Variants in PRKG1 observed in about 807,000 individuals in gnomAD.
The protein encoded by PRKG1 is cGMP-dependent protein kinase 1.
A neutral mutation model predicts 88.1 loss-of-function variants in PRKG1; 35 were observed. The observed-to-expected ratio is 0.40, with a 90% CI of 0.30 to 0.53. PRKG1 has a LOEUF of 0.53. PRKG1 is among the 20% of genes least tolerant of loss of function. PRKG1 has a pLI of 0.59. For missense variants in PRKG1, 540 were observed against 839.8 expected (o/e 0.64, Z 4.41); for synonymous variants, 303 against 292.5 (o/e 1.04, Z -0.37).
At chr10:51,506,967 A>G (rs1046771322) in intron 3 of PRKG1, among the ~76,000 whole-genome samples, 8 of 152,226 alleles carry the variant, frequency 5.3e-5, no homozygotes, top group Non-Finnish European at 8.8e-5. Flanking sequence ...AATACTATGC[A>G]GCCATAAAAA....
At chr10:51,982,071 C>T (rs1475031648) in intron 5 of PRKG1, among the ~76,000 whole-genome samples, 1 of 152,118 alleles carries the variant, frequency 6.6e-6, no homozygotes, top group Non-Finnish European at 1.5e-5. Flanking sequence ...AGTCTTAAAG[C>T]TCTGAGATTT....
At chr10:51,975,627 A>G (rs763781190) in intron 5 of PRKG1, among the ~76,000 whole-genome samples, 1 of 152,128 alleles carries the variant, frequency 6.6e-6, no homozygotes, top group Non-Finnish European at 1.5e-5. Context: ...TGATGAAATT[A>G]TGCAGAAGGT....
At chr10:51,184,609 G>T (rs1293570416) in intron 2 of PRKG1, among the ~76,000 whole-genome samples, 2 of 152,036 alleles carry the variant, frequency 1.3e-5, no homozygotes, top group African/African-American at 4.8e-5. Context: ...CTAATGAAGG[G>T]TTGTTTTTTT....
At chr10:52,176,062 C>A (rs912950810) in intron 9 of PRKG1, among the ~76,000 whole-genome samples, 2 of 151,288 alleles carry the variant, frequency 1.3e-5, no homozygotes, top group Non-Finnish European at 1.5e-5. Context: ...TTCAAAAAAT[C>A]TTTTCCTAGG....
intron 5 of PRKG1, among the ~76,000 whole-genome samples, chr10:52,049,295 A>G (rs1008256589): frequency 2.0e-5 from 3 of 152,166 alleles, no homozygotes; most frequent in African/African-American, 7.2e-5. Flanking sequence ...GGAGTGCTAG[A>G]GAAAGGACCA....
chr10:52,172,990 G>A (rs1296864582), intron 9 of PRKG1, among the ~76,000 whole-genome samples: 1 of 152,192 alleles, frequency 6.6e-6, no homozygotes, highest in Non-Finnish European at 1.5e-5. Flanking sequence ...CTTCTAAGAT[G>A]CTTAGAATGT....
In PRKG1 at chr10:51,106,927, C is replaced by T. The variant is rs149621997; in HGVS notation, c.311+32026C>T. Among the ~76,000 whole-genome samples, 694 of 152,234 alleles carry T rather than the reference C, an allele frequency of 4.6e-3. 5 individuals carry two copies. The highest frequency in any genetic ancestry group is 0.016 in the African/African-American group (654 of 41,542). On this transcript the variant is annotated intron_variant, in intron 1 of 17. Coordinates refer to ENST00000373980, the MANE Select transcript of PRKG1 (RefSeq NM_006258.4). ...AAAGTGTTAGTTTTTATTAAGCTCA[C>T]AGAAGCTGAAGAGATAGACAAACAA...
intron 9 of PRKG1, among the ~76,000 whole-genome samples, chr10:52,244,751 T>C (rs1412712361): frequency 6.9e-6 from 1 of 144,318 alleles, no homozygotes; most frequent in Non-Finnish European, 1.5e-5. Context: ...TATTTAAATA[T>C]ATATTAAGAT....
At chr10:51,512,145 A>G (rs920551866) in intron 3 of PRKG1, among the ~76,000 whole-genome samples, 11 of 150,510 alleles carry the variant, frequency 7.3e-5, no homozygotes, top group Middle Eastern at 7.2e-3. Context: ...CTGTGAGGGG[A>G]CACAGAGAGT....
intron 2 of PRKG1, among the ~76,000 whole-genome samples, chr10:51,435,736 A>T (rs1165781732): frequency 6.6e-6 from 1 of 151,912 alleles, no homozygotes; most frequent in Non-Finnish European, 1.5e-5. Context: ...ACTCATGAGC[A>T]TGAGGTGGAA....
At chr10:52,047,808 G>C (rs1845898894) in intron 5 of PRKG1, among the ~76,000 whole-genome samples, 1 of 152,062 alleles carries the variant, frequency 6.6e-6, no homozygotes, top group South Asian at 2.1e-4. Flanking sequence ...CCCCAAAAAG[G>C]CAGATCCCAA....
intron 3 of PRKG1, among the ~76,000 whole-genome samples, chr10:51,801,124 C>T (rs2132604522): frequency 6.6e-6 from 1 of 152,178 alleles, no homozygotes; most frequent in South Asian, 2.1e-4. Context: ...ATTTGTTTTT[C>T]TCTTGTACTA....
At chr10:51,050,530 A>G (rs1043060629) in intron 1 of PRKG1, among the ~76,000 whole-genome samples, 2 of 152,116 alleles carry the variant, frequency 1.3e-5, no homozygotes, top group African/African-American at 4.8e-5. Flanking sequence ...CATTGTATGT[A>G]TACACCATAT....
intron 1 of PRKG1, among the ~76,000 whole-genome samples, chr10:51,005,234 C>T (rs1842929416): frequency 6.6e-6 from 1 of 151,848 alleles, no homozygotes; most frequent in Non-Finnish European, 1.5e-5. Context: ...TCAGCCTACT[C>T]TTGTGCAGGA....
intron 5 of PRKG1, among the ~76,000 whole-genome samples, chr10:51,961,921 A>G (rs1843457394): frequency 6.6e-6 from 1 of 152,182 alleles, no homozygotes; most frequent in African/African-American, 2.4e-5. Flanking sequence ...GAAAGACAAA[A>G]TTGTTCCCCA....
At chr10:51,220,427 G>A (rs1373947471) in intron 2 of PRKG1, among the ~76,000 whole-genome samples, 1 of 152,174 alleles carries the variant, frequency 6.6e-6, no homozygotes, top group Non-Finnish European at 1.5e-5. Context: ...TTTGAAGGGT[G>A]TGTTTTAAAC....
At chr10:51,879,365 G>A (rs139950641) in intron 4 of PRKG1, among the ~76,000 whole-genome samples, 104 of 152,258 alleles carry the variant, frequency 6.8e-4, no homozygotes, top group Non-Finnish European at 1.1e-3. Flanking sequence ...TGGGATGAAC[G>A]AGAAAAGTTG....
chr10:52,053,212 G>A (rs1846031850), intron 5 of PRKG1, among the ~76,000 whole-genome samples: 1 of 111,458 alleles, frequency 9.0e-6, no homozygotes. Context: ...TGAAACTGAG[G>A]GAAAGGAATA....
At chr10:51,965,409 G>C (rs987372970) in intron 5 of PRKG1, among the ~76,000 whole-genome samples, 1 of 152,150 alleles carries the variant, frequency 6.6e-6, no homozygotes, top group African/African-American at 2.4e-5. Flanking sequence ...CAAAGGACAT[G>C]ATCTCATTCT....
Sources: gnomAD v4.1 joint callset for allele counts (sites outside exome capture counted in the v4.1 genomes callset) on GRCh38, gnomAD v4.1.1 for gene constraint, MANE v1.5 for transcripts, NCBI Gene and HGNC (gene_info 2026-07-23, HGNC 2026-07-21) for gene names.